The following FYB2 variants were observed in gnomAD, a reference collection of about 807,000 sequenced individuals.
FYB2 encodes the protein FYN binding protein 2, also known as FYN-binding protein 2.
A neutral mutation model predicts 94.1 loss-of-function variants in FYB2; 103 were observed. The observed-to-expected ratio is 1.09, with a 90% CI of 0.93 to 1.29. The LOEUF (loss-of-function observed/expected upper bound fraction) is 1.29. FYB2 is among the 50% of genes most tolerant of loss of function. FYB2 has a pLI of 0.00. For missense variants in FYB2, 896 were observed against 841.5 expected, an observed-to-expected ratio of 1.06 and a Z score of -0.80; for synonymous variants, 293 against 287.9, an observed-to-expected ratio of 1.02 and a Z score of -0.18.
intron 8 of FYB2, among the ~76,000 whole-genome samples, chr1:56,752,196 G>C (rs146365468): frequency 6.6e-6 from 1 of 151,902 alleles, no homozygotes; most frequent in Non-Finnish European, 1.5e-5. Context: ...GTTATGAAGG[G>C]TCTTGCATGC....
intron 1 of FYB2, among the ~76,000 whole-genome samples, chr1:56,803,537 T>C (rs1646569593): frequency 6.6e-6 from 1 of 152,236 alleles, no homozygotes; most frequent in East Asian, 1.9e-4. Flanking sequence ...GCAATCATTT[T>C]CTAACTGGTA....
chr1:56,756,815 C>G (rs1300970015), intron 6 of FYB2, among the ~76,000 whole-genome samples: 1 of 152,046 alleles, frequency 6.6e-6, no homozygotes, highest in Non-Finnish European at 1.5e-5. Context: ...TGCTATCACA[C>G]CAGAGGGACT....
At position 56,787,187 on chromosome 1, in the gene FYB2, A is replaced by C. The variant is rs1238257271; in HGVS notation, c.941T>G (p.Leu314Arg). Residue 314 changes from leucine (L) to arginine (R), a missense_variant, in exon 4 of 20, where the codon CTG becomes CGG. Physicochemically the swap from Leu to Arg is moderately radical, Grantham distance 102 (BLOSUM62 -2). Transcript: ENST00000343433. ...QGEVTVEEGS[L>R]SPERLFNAEF... ...AGCATGTACTTACCTCTCTGGAGAC[A>C]GGGAGCCCTCTTCCACAGTCACTGC... The C allele has an allele frequency of 6.2e-7, 1 of 1,613,880 alleles. No homozygotes were observed. The highest frequency in any genetic ancestry group is 8.5e-7 in the Non-Finnish European group (1 of 1,179,884).
At chr1:56,753,979 G>A in intron 7 of FYB2, 44 bp from the exon 8 acceptor site, 1 of 1,241,770 alleles carries the variant, frequency 8.1e-7, no homozygotes, top group South Asian at 1.2e-5. Context: ...AGCTTAGAGT[G>A]TTTAAATGAT....
intron 15 of FYB2, among the ~76,000 whole-genome samples, chr1:56,736,424 C>T (rs866576587): frequency 1.6e-4 from 19 of 119,990 alleles, no homozygotes; most frequent in Admixed American, 2.6e-4. Context: ...TTAAGGATGG[C>T]TTTTTTTTTT....
chr1:56,787,049 TCA>T, intron 4 of FYB2, 124 bp downstream of exon 4: 2 of 1,028,358 alleles, frequency 1.9e-6, no homozygotes, highest in Non-Finnish European at 3.0e-6. Flanking sequence ...GCTTATAAGT[TCA>T]CTGCTTCTGA....
chr1:56,728,271 T>G (rs1397033476), intron 15 of FYB2, among the ~76,000 whole-genome samples: 1 of 152,154 alleles, frequency 6.6e-6, no homozygotes, highest in Non-Finnish European at 1.5e-5. Flanking sequence ...CTGTCTTTCC[T>G]GTTTCAGCTT....
At chr1:56,819,454 T>G, upstream of FYB2, 1 of 1,005,472 alleles carries the variant, frequency 9.9e-7, no homozygotes, top group South Asian at 1.5e-5. Context: ...GGGCCGAGGC[T>G]CCTCCCTTGC....
chr1:56,755,925 A>G lies in FYB2; in HGVS notation c.1101T>C (p.Pro367=). The G allele has an allele frequency of 6.2e-7, 1 of 1,609,170 alleles. No individual in the cohort carries two copies. Among genetic ancestry groups the G allele is most frequent in the Non-Finnish European group, 8.5e-7 (1 of 1,176,050 alleles). ...GTTCTGGATAGGGAAAATTCTTCCC[A>G]GGCTGAAAGTAAAGTGGAAAATGGT... is the stretch of plus-strand genomic sequence containing the variant. ...YEVGIEELQK[P]GKNFPYPEPS... is the part of the protein sequence containing the mutation. Residue 367 remains proline, a splice_region_variant and synonymous_variant, in exon 7 of 20, where the codon CCT becomes CCC. Coordinates refer to ENST00000343433, the MANE Select transcript of FYB2 (RefSeq NM_001004303.5).
At chr1:56,742,718 T>C (rs1342001909) in intron 11 of FYB2, among the ~76,000 whole-genome samples, 2 of 152,104 alleles carry the variant, frequency 1.3e-5, no homozygotes, top group Non-Finnish European at 2.9e-5. Context: ...ATGGAAAGAA[T>C]TTTGAATATC....
intron 9 of FYB2, among the ~76,000 whole-genome samples, chr1:56,750,331 A>T (rs751340454): frequency 2.6e-5 from 4 of 152,048 alleles, no homozygotes; most frequent in Non-Finnish European, 4.4e-5. Context: ...TCACGGGGTT[A>T]GTATAGAAAT....
At chr1:56,813,827 T>C (rs1033222763) in intron 1 of FYB2, among the ~76,000 whole-genome samples, 1 of 152,260 alleles carries the variant, frequency 6.6e-6, no homozygotes, top group Non-Finnish European at 1.5e-5. Flanking sequence ...TTTTCCTTTA[T>C]AAATGAGATA....
intron 16 of FYB2, among the ~76,000 whole-genome samples, chr1:56,726,280 G>A (rs1002994859): frequency 6.6e-6 from 1 of 152,048 alleles, no homozygotes; most frequent in East Asian, 1.9e-4. Context: ...AAGTAGGGAG[G>A]AAGATGATGA....
intron 1 of FYB2, among the ~76,000 whole-genome samples, chr1:56,812,538 C>T (rs892145604): frequency 2.6e-5 from 4 of 152,132 alleles, no homozygotes; most frequent in African/African-American, 9.7e-5. Flanking sequence ...TTCTGAAGCA[C>T]TTTATTTGTA....
chr1:56,801,833 TCCACA>T (rs1646528221), intron 1 of FYB2, among the ~76,000 whole-genome samples: 1 of 152,212 alleles, frequency 6.6e-6, no homozygotes, highest in Non-Finnish European at 1.5e-5. Context: ...TATCTCCCAC[TCCACA>T]GTTACTTGGG....
intron 9 of FYB2, among the ~76,000 whole-genome samples, chr1:56,745,949 T>A (rs1645057926): frequency 6.6e-6 from 1 of 152,070 alleles, no homozygotes; most frequent in African/African-American, 2.4e-5. Flanking sequence ...TCTTCCTAGG[T>A]CATTCATATC....
At chr1:56,738,233 A>C (rs1644873248) in intron 14 of FYB2, among the ~76,000 whole-genome samples, 2 of 152,086 alleles carry the variant, frequency 1.3e-5, no homozygotes, top group Non-Finnish European at 2.9e-5. Context: ...TTAGTGTCTT[A>C]ATTAGGATGA....
Position 56,719,337 on chromosome 1 carries a change from A to G in FYB2, c.*334T>C, listed in dbSNP as rs1644442398. 2 of 240,492 alleles carry G rather than the reference A, an allele frequency of 8.3e-6. No homozygotes were observed. Among genetic ancestry groups the G allele is most frequent in the Admixed American group, 5.0e-5 (1 of 19,860 alleles). 14.9% of individuals were successfully genotyped at this position (240,492 alleles called of 1,614,324 possible). ...TTAGAAGCAAACTAACCATCTGCAC[A>G]ACTGACTAGGTGCCATAAGGCATGA... is the stretch of plus-strand genomic sequence containing the variant. On this transcript the variant is annotated 3_prime_UTR_variant, in exon 20 of 20. Transcript: ENST00000343433.
chr1:56,772,651 C>T (rs2100842411), intron 4 of FYB2, among the ~76,000 whole-genome samples: 1 of 152,218 alleles, frequency 6.6e-6, no homozygotes, highest in East Asian at 1.9e-4. Flanking sequence ...AGACCTGGAA[C>T]ATGGGGTCAG....
Sources: allele counts gnomAD v4.1 joint callset (sites outside exome capture counted in the v4.1 genomes callset), GRCh38; gene constraint gnomAD v4.1.1; transcripts MANE v1.5; gene names NCBI Gene and HGNC (gene_info 2026-07-23, HGNC 2026-07-21).